ERI2: variants seen among roughly 807,000 people sequenced by gnomAD.
ERI2 encodes the protein ERI1 exoribonuclease 2.
ERI2 carries 35 observed loss-of-function variants against 46.8 expected under a neutral mutation model. The ratio of observed to expected loss-of-function variants is 0.75; its 90% CI spans 0.57 to 0.99. ERI2 has a LOEUF of 0.99. Among genes scored for constraint, ERI2 ranks in the 50% least tolerant of loss-of-function variants. ERI2 has a pLI of 0.00. For missense variants in ERI2, 695 were observed against 796.2 expected (o/e 0.87, Z 1.53); for synonymous variants, 224 against 271.0 (o/e 0.83, Z 1.70).
intron 10 of ERI2, chr16:20,783,699 A>G (rs1171084254): frequency 6.6e-6 from 1 of 152,172 alleles, no homozygotes; most frequent in East Asian, 1.9e-4. Flanking sequence ...CTTGCTTCAA[A>G]CCTTGTCCCC....
At chr16:20,802,174 T>A (rs1270807023) in intron 4 of ERI2, among the ~76,000 whole-genome samples, 1 of 151,508 alleles carries the variant, frequency 6.6e-6, no homozygotes, top group Non-Finnish European at 1.5e-5. Flanking sequence ...AAACCCTGTC[T>A]CTATTAAAAA....
At chr16:20,799,770 G>A (rs4783504) in intron 7 of ERI2, 187 bp downstream of exon 7, 16 of 502,682 alleles carry the variant, frequency 3.2e-5, no homozygotes, top group African/African-American at 3.0e-4. Context: ...AGATGGCAGT[G>A]TATCTTACAA....
rs760264524 is a variant in ERI2, at chr16:20,781,672, T to C, written c.895-938A>G. 4.0e-6 allele frequency: 6 copies of C among 1,485,370 alleles called. No individual in the cohort carries two copies. In the East Asian group the frequency reaches 1.4e-4, roughly 34 times the overall value. 92.0% of individuals were successfully genotyped at this position (1,485,370 alleles called of 1,614,324 possible). On this transcript the variant is annotated intron_variant, in intron 10 of 10. Transcript: ENST00000300005. ...GACATTTAAGCACTTATTTAAGTTG[T>C]AGTAAGACCAAGAGTTTGCTTTTTC...
In ERI2 at chr16:20,796,981, C is replaced by A; in HGVS notation, c.*743G>T. ...AATGGAAGACAATTTAAAGTTGTTTCATTAATTACCATATCTATAAAACAA... is the reference window on the plus strand; with the variant it reads ...AATGGAAGACAATTTAAAGTTGTTTAATTAATTACCATATCTATAAAACAA... On this transcript the variant is annotated 3_prime_UTR_variant, in exon 9 of 9. Transcript: ENST00000357967. The A allele has an allele frequency of 6.2e-7, 1 of 1,610,036 alleles. No individual in the cohort carries two copies. Among genetic ancestry groups the A allele is most frequent in the South Asian group, 1.1e-5 (1 of 90,034 alleles).
chr16:20,794,174 C>G (rs773670206), downstream of ERI2, among the ~76,000 whole-genome samples: 4 of 152,190 alleles, frequency 2.6e-5, no homozygotes, highest in Admixed American at 1.3e-4. Context: ...TTAGGTCCTT[C>G]TCTAGGCTGG....
downstream of ERI2, chr16:20,792,405 C>T: frequency 6.3e-7 from 1 of 1,589,734 alleles, no homozygotes; most frequent in Non-Finnish European, 8.6e-7. Flanking sequence ...AACAGTAGCT[C>T]AGTGAAACAG....
intron 10 of ERI2, chr16:20,785,976 A>G: frequency 2.7e-6 from 2 of 734,950 alleles, no homozygotes; most frequent in Non-Finnish European, 4.3e-6. Context: ...AGCCTAGTTC[A>G]TAGTAAGTTT....
downstream of ERI2, chr16:20,792,707 G>A: frequency 1.0e-6 from 1 of 985,372 alleles, no homozygotes; most frequent in Non-Finnish European, 1.2e-6. Context: ...CGAGGTCCCT[G>A]GTGTAGTGAA....
intron 10 of ERI2, chr16:20,781,841 T>A: frequency 7.3e-7 from 1 of 1,375,772 alleles, no homozygotes; most frequent in Non-Finnish European, 1.0e-6. Flanking sequence ...AAGAGGAAGC[T>A]ATAAAATAAA....
downstream of ERI2, among the ~76,000 whole-genome samples, chr16:20,793,551 G>A (rs2080651622): frequency 6.6e-6 from 1 of 152,096 alleles, no homozygotes; most frequent in Admixed American, 6.5e-5. Flanking sequence ...TCTCCCCCCA[G>A]GACTGATTCC....
At chr16:20,804,150 A>G (rs1452944011) in intron 1 of ERI2, among the ~76,000 whole-genome samples, 7 of 151,612 alleles carry the variant, frequency 4.6e-5, no homozygotes. Flanking sequence ...CACTGTGTCC[A>G]GCCAATTTAC....
chr16:20,799,178 G>A lies in ERI2; in HGVS notation c.732+85C>T, dbSNP rs1307004714. 6 of 1,545,942 alleles carry A rather than the reference G, an allele frequency of 3.9e-6. No individual in the cohort carries two copies. The South Asian group carries it at 6.1e-5, about 16-fold the overall frequency. ...AAATGTCATTGATTTATAAATGACT[G>A]CACACATTAAATCTACGTTTCAAAG... On this transcript the variant is annotated intron_variant, in intron 8 of 8. Coordinates refer to ENST00000357967, the MANE Select transcript of ERI2 (RefSeq NM_001142725.2).
At chr16:20,781,285 C>T (rs927306398) in intron 10 of ERI2, among the ~76,000 whole-genome samples, 3 of 152,152 alleles carry the variant, frequency 2.0e-5, no homozygotes, top group African/African-American at 7.2e-5. Flanking sequence ...AAGATACACT[C>T]GGCCCCCTCT....
At chr16:20,805,752 T>C in intron 1 of ERI2, 1 of 188,510 alleles carries the variant, frequency 5.3e-6, no homozygotes, top group Non-Finnish European at 1.0e-5. Flanking sequence ...CTTCTTCCTT[T>C]GTTCTCCTCT....
At chr16:20,794,482 T>G (rs988164156), downstream of ERI2, among the ~76,000 whole-genome samples, 4 of 152,210 alleles carry the variant, frequency 2.6e-5, no homozygotes, top group Non-Finnish European at 4.4e-5. Context: ...GTATTTAATC[T>G]TATTTAATTT....
downstream of ERI2, among the ~76,000 whole-genome samples, chr16:20,794,592 A>G (rs1042018616): frequency 1.3e-5 from 2 of 152,246 alleles, no homozygotes; most frequent in Non-Finnish European, 2.9e-5. Context: ...TTTTGCATAG[A>G]ATTTCATAGA....
chr16:20,789,588 A>G (rs1041188127), intron 9 of ERI2: 27 of 1,468,612 alleles, frequency 1.8e-5, no homozygotes, highest in Non-Finnish European at 2.4e-5. Context: ...AGTAATGAAG[A>G]TATTTATTTA....
Position 20,798,997 on chromosome 16 carries a change from G to A in ERI2, c.803C>T (p.Ala268Val), listed in dbSNP as rs2152494847. ...LNTIQVEEMS[A>V]CNISIQGPSI... ...GGGACCCTGGATGCTAATGTTACAG[G>A]CAGACATTTCTTCAACTTGAATTGT... Residue 268 changes from alanine to valine, a missense_variant, in exon 9 of 9, where the codon GCC becomes GTC. Transcript: ENST00000357967. The A allele has an allele frequency of 6.5e-7, 1 of 1,536,536 alleles. No individual in the cohort carries two copies. The highest frequency in any genetic ancestry group is 8.7e-7 in the Non-Finnish European group (1 of 1,143,346).
At chr16:20,791,925 C>CA, downstream of ERI2, 2 of 1,410,746 alleles carry the variant, frequency 1.4e-6, no homozygotes, top group Admixed American at 1.9e-5. Context: ...GAGACTGTCT[C>CA]GGAAAAAAAA....
Sources: allele counts gnomAD v4.1 joint callset (sites outside exome capture counted in the v4.1 genomes callset), GRCh38; gene constraint gnomAD v4.1.1; transcripts MANE v1.5; gene names NCBI Gene and HGNC (gene_info 2026-07-23, HGNC 2026-07-21).